Variants in PCYT1B observed in about 807,000 individuals in gnomAD.
The protein encoded by PCYT1B is choline-phosphate cytidylyltransferase B.
PCYT1B carries 10 observed loss-of-function variants against 26.4 expected under a neutral mutation model. The observed-to-expected ratio is 0.38, with a 90% CI of 0.23 to 0.64. The LOEUF is 0.64. Among genes scored for constraint, PCYT1B ranks in the 30% least tolerant of loss-of-function variants. The probability of loss-of-function intolerance (pLI) is 0.56; values close to 1 mark genes in which losing one functional copy is unlikely to be tolerated. For missense variants in PCYT1B, 161 were observed against 292.7 expected (o/e 0.55, Z 3.28); for synonymous variants, 131 against 108.4 (o/e 1.21, Z -1.29).
chrX:24,567,493 T>C (rs2148219534), intron 7 of PCYT1B, among the ~76,000 whole-genome samples: 1 of 112,123 alleles, frequency 8.9e-6, no homozygotes, highest in East Asian at 2.8e-4. Context: ...AGGAAGAGTA[T>C]GCATGGCATT....
At chrX:24,599,590 G>A (rs1366000818) in intron 3 of PCYT1B, among the ~76,000 whole-genome samples, 1 of 111,576 alleles carries the variant, frequency 9.0e-6, no homozygotes, top group Non-Finnish European at 1.9e-5. Flanking sequence ...ATTTATCAAA[G>A]TGTATATAAT....
rs147483502 is a variant in PCYT1B at position 24,589,499 on chromosome X, C to T, written c.486+524G>A. Among the ~76,000 whole-genome samples the T allele has an allele frequency of 0.015, 1,700 of 111,747 alleles. 51 individuals carry two copies. In the East Asian group the frequency reaches 0.16, roughly 10 times the overall value. On this transcript the variant is annotated intron_variant, in intron 4 of 7. Transcript: ENST00000379144. Reference sequence around the variant, plus strand: ...AGATATAAAGTTCTTTCTTTAAAGGCTGACCTGTGACTTTCTGGATAAGAT... The same window carrying T: ...AGATATAAAGTTCTTTCTTTAAAGGTTGACCTGTGACTTTCTGGATAAGAT...
chrX:24,570,189 GAAA>G (rs1176471313), intron 7 of PCYT1B, among the ~76,000 whole-genome samples: 1 of 31,693 alleles, frequency 3.2e-5, no homozygotes, highest in Non-Finnish European at 6.0e-5. Flanking sequence ...CTCAGTCTCA[GAAA>G]AAAAAAAAAA....
intron 1 of PCYT1B, among the ~76,000 whole-genome samples, chrX:24,641,140 G>A (rs1321278316): frequency 9.0e-6 from 1 of 111,325 alleles, no homozygotes; most frequent in South Asian, 3.8e-4. Context: ...CACCAGGTTG[G>A]CCAGGCTGGT....
chrX:24,605,445 C>G (rs1489290187), intron 3 of PCYT1B, among the ~76,000 whole-genome samples: 1 of 111,826 alleles, frequency 8.9e-6, no homozygotes, highest in Non-Finnish European at 1.9e-5. Context: ...CGCCCAGTCA[C>G]TCTTTTCTCT....
chrX:24,618,883 A>C, intron 2 of PCYT1B, 102 bp downstream of exon 2: 1 of 470,211 alleles, frequency 2.1e-6, no homozygotes, highest in East Asian at 4.0e-5. Context: ...TCAGCCTCCC[A>C]AAGTGCTGGG....
At chrX:24,603,853 G>A (rs933294571) in intron 3 of PCYT1B, among the ~76,000 whole-genome samples, 3 of 111,842 alleles carry the variant, frequency 2.7e-5, no homozygotes, top group African/African-American at 9.7e-5. Context: ...TTTAGAGGAA[G>A]GCAATTACTA....
intron 1 of PCYT1B, among the ~76,000 whole-genome samples, chrX:24,631,652 G>A (rs1461856697): frequency 8.9e-6 from 1 of 112,305 alleles, no homozygotes; most frequent in Non-Finnish European, 1.9e-5. Flanking sequence ...TACACAGCAG[G>A]TTAATTAGTG....
rs1923433235 is a variant in PCYT1B at position 24,561,966 on chromosome X, TG to T, written c.*326del. 1 of 653,117 alleles carries T rather than the reference TG, an allele frequency of 1.5e-6. No homozygotes were observed. 53.8% of individuals were successfully genotyped at this position (653,117 alleles called of 1,213,427 possible). ...CCACAGGTGGTTTACTTGGTGGGGG[TG>T]GTGGAAGGACCAAAGCAGAAGTCAC... On this transcript the variant is annotated 3_prime_UTR_variant, in exon 8 of 8. Transcript: ENST00000379144.
At chrX:24,620,622 A>T (rs1925672909) in intron 1 of PCYT1B, among the ~76,000 whole-genome samples, 1 of 112,289 alleles carries the variant, frequency 8.9e-6, no homozygotes, top group African/African-American at 3.2e-5. Flanking sequence ...CCGGGTTCAG[A>T]TCCCCTCTCC....
chrX:24,573,147 CACACACACACACACACAT>C (rs776790858), intron 7 of PCYT1B, among the ~76,000 whole-genome samples: 318 of 71,174 alleles, frequency 4.5e-3, no homozygotes, highest in Non-Finnish European at 8.5e-3. Context: ...CACACACACA[CACACACACACACACACAT>C]ATATATATAT....
At chrX:24,648,645 A>G (rs1345553975), upstream of PCYT1B, among the ~76,000 whole-genome samples, 1 of 108,668 alleles carries the variant, frequency 9.2e-6, no homozygotes, top group Non-Finnish European at 1.9e-5. Flanking sequence ...GACCAGCAGC[A>G]CCAACATCAG....
intron 1 of PCYT1B, among the ~76,000 whole-genome samples, chrX:24,637,089 A>G (rs1343933557): frequency 2.7e-5 from 3 of 111,128 alleles, no homozygotes; most frequent in South Asian, 3.8e-4. Flanking sequence ...AAATATTTAC[A>G]TTGAATTTCT....
At position 24,590,085 on chromosome X, in the gene PCYT1B, C is replaced by T. The variant is rs1824669566; in HGVS notation, c.424G>A (p.Val142Ile). Residue 142 changes from valine to isoleucine, a missense_variant, in exon 4 of 8, where the codon GTA (valine) becomes ATA (isoleucine). Physicochemically the swap from Val to Ile is conservative, Grantham distance 29. Coordinates refer to ENST00000379144, the MANE Select transcript of PCYT1B (RefSeq NM_004845.5). ...RYEALRHCRYVDEVIRDAPWT... is the reference protein window; with the variant it reads ...RYEALRHCRYIDEVIRDAPWT... ...GGAGCATCTCTGATAACTTCGTCTA[C>T]GTAGCGACAGTGTCTGAGAGCTTCG... 4 of 1,207,545 alleles carry T rather than the reference C, an allele frequency of 3.3e-6. No individual in the cohort carries two copies. The highest frequency in any genetic ancestry group is 1.8e-5 in the South Asian group (1 of 56,684).
At chrX:24,644,928 G>A (rs963340623) in intron 1 of PCYT1B, among the ~76,000 whole-genome samples, 6 of 111,516 alleles carry the variant, frequency 5.4e-5, no homozygotes, top group Non-Finnish European at 1.1e-4. Flanking sequence ...GCCAGGCATG[G>A]TGCTGCCCAC....
At chrX:24,627,993 A>G (rs754981353) in intron 1 of PCYT1B, among the ~76,000 whole-genome samples, 2 of 111,926 alleles carry the variant, frequency 1.8e-5, no homozygotes, top group African/African-American at 6.5e-5. Context: ...GGAAATTAAC[A>G]ATTCCATTCT....
chrX:24,647,939 C>A (rs1181853105), upstream of PCYT1B, among the ~76,000 whole-genome samples: 1 of 112,100 alleles, frequency 8.9e-6, no homozygotes, highest in Non-Finnish European at 1.9e-5. Flanking sequence ...TCCTGGCTGC[C>A]CTTTCGCAGT....
chrX:24,597,856 G>A (rs1050233453), intron 3 of PCYT1B, among the ~76,000 whole-genome samples: 23 of 112,351 alleles, frequency 2.0e-4, no homozygotes, highest in African/African-American at 7.4e-4. Flanking sequence ...TAAGGCCCAA[G>A]AACTCAAAGC....
At chrX:24,573,100 ACACACATATATACC>A (rs1245164738) in intron 7 of PCYT1B, among the ~76,000 whole-genome samples, 1 of 100,397 alleles carries the variant, frequency 1.0e-5, no homozygotes, top group Non-Finnish European at 2.0e-5. Context: ...ACACATATAC[ACACACATATATACC>A]CACACATATA....
Sources: allele counts gnomAD v4.1 joint callset (sites outside exome capture counted in the v4.1 genomes callset), GRCh38; gene constraint gnomAD v4.1.1; transcripts MANE v1.5; gene names NCBI Gene and HGNC (gene_info 2026-07-23, HGNC 2026-07-21).